Variants in MAP2K6 observed in about 807,000 individuals in gnomAD.
MAP2K6 encodes the protein mitogen-activated protein kinase kinase 6.
MAP2K6 carries 16 observed loss-of-function variants against 53.7 expected under a neutral mutation model. That is an observed-to-expected ratio of 0.30 (90% confidence interval 0.20 to 0.45). The LOEUF (loss-of-function observed/expected upper bound fraction) is 0.45, where lower values mean the gene tolerates loss of function less well. Ranked by LOEUF, MAP2K6 falls within the 20% of genes least tolerant of loss-of-function variation. The pLI is 1.00. For synonymous variants in MAP2K6, 132 were observed against 143.1 expected, an observed-to-expected ratio of 0.92 and a Z score of 0.55; for missense variants, 204 against 411.9, an observed-to-expected ratio of 0.50 and a Z score of 4.37.
In MAP2K6 at chr17:69,426,967, G is replaced by GT. The variant is rs553707204; in HGVS notation, c.16+11973dup. ...TATATCATATCTCATACTTTTAGGT[G>GT]TTTTTTGGATTGTGGAAACTCCAGG... is the stretch of plus-strand genomic sequence containing the variant. On this transcript the variant is annotated intron_variant, in intron 1 of 11. Coordinates refer to ENST00000590474, the MANE Select transcript of MAP2K6 (RefSeq NM_002758.4). 8.5e-5 allele frequency among the ~76,000 whole-genome samples: 13 copies of GT among 152,248 alleles called. No homozygotes were observed. The East Asian group carries it at 1.9e-3, about 23-fold the overall frequency.
intron 10 of MAP2K6, 24 bp from the exon 11 acceptor site, chr17:69,536,091 A>C (rs767187560): frequency 6.6e-7 from 1 of 1,515,486 alleles, no homozygotes. Context: ...TCTAGATTTT[A>C]ATGATTATTT....
chr17:69,438,313 T>G lies in MAP2K6; in HGVS notation c.16+23313T>G, dbSNP rs376121556. Among the ~76,000 whole-genome samples the G allele has an allele frequency of 3.9e-3, 590 of 152,332 alleles. 4 individuals are homozygous for G. The highest frequency in any genetic ancestry group is 0.013 in the African/African-American group (554 of 41,584). ...ATGGGTCCAATGTTTCTGCTTGTTG[T>G]TTTGGTTACCTTGGGTTTGGCTTTC... is the stretch of plus-strand genomic sequence containing the variant. On this transcript the variant is annotated intron_variant, in intron 1 of 11. Transcript: ENST00000590474.
intron 1 of MAP2K6, among the ~76,000 whole-genome samples, chr17:69,437,599 A>G (rs1351044176): frequency 1.3e-5 from 2 of 152,252 alleles, no homozygotes; most frequent in African/African-American, 4.8e-5. Context: ...AAAATTCACC[A>G]TTTTAATGAT....
intron 1 of MAP2K6, among the ~76,000 whole-genome samples, chr17:69,461,441 C>T (rs1180212082): frequency 6.6e-6 from 1 of 152,210 alleles, no homozygotes; most frequent in Non-Finnish European, 1.5e-5. Context: ...CTTCCAATTT[C>T]TGCAGCCAAC....
At chr17:69,490,815 C>T (rs1908714246) in intron 1 of MAP2K6, among the ~76,000 whole-genome samples, 2 of 151,818 alleles carry the variant, frequency 1.3e-5, no homozygotes, top group Non-Finnish European at 2.9e-5. Context: ...ATTTCATTAC[C>T]CAAGTATTAA....
chr17:69,519,511 C>G, intron 5 of MAP2K6, 79 bp downstream of exon 5: 3 of 1,553,648 alleles, frequency 1.9e-6, no homozygotes, highest in Non-Finnish European at 1.8e-6. Flanking sequence ...AATGCCTTCA[C>G]AATCATGGAG....
chr17:69,441,644 A>G (rs1256122952), intron 1 of MAP2K6, among the ~76,000 whole-genome samples: 2 of 152,138 alleles, frequency 1.3e-5, no homozygotes, highest in African/African-American at 2.4e-5. Context: ...AGATGTTCCT[A>G]TTTCTTGGTA....
Position 69,429,013 on chromosome 17 carries a change from C to T in MAP2K6, c.16+14013C>T, listed in dbSNP as rs1906366374. ...TTGTGTTTAGTGGTAATGAGACCTA[C>T]ACAACACTCCCTGTGGTTGTCACAG... On this transcript the variant is annotated intron_variant, in intron 1 of 11. Transcript: ENST00000590474. Among the ~76,000 whole-genome samples, 3 of 151,824 alleles carry T rather than the reference C, an allele frequency of 2.0e-5. No individual in the cohort carries two copies. The South Asian group carries it at 6.2e-4, about 32-fold the overall frequency.
chr17:69,493,858 C>T (rs571666430), intron 1 of MAP2K6, among the ~76,000 whole-genome samples: 4 of 151,992 alleles, frequency 2.6e-5, no homozygotes, highest in Admixed American at 6.5e-5. Flanking sequence ...ACCCTTGTAC[C>T]CATCAAATTG....
chr17:69,444,616 T>C (rs1034926939), intron 1 of MAP2K6, among the ~76,000 whole-genome samples: 1 of 152,210 alleles, frequency 6.6e-6, no homozygotes, highest in East Asian at 1.9e-4. Context: ...AGTCCCAAAA[T>C]GGATCCTTTG....
rs980598531 is a variant in MAP2K6, at chr17:69,551,288, C to G, written c.*9535C>G. 2.0e-5 allele frequency: 3 copies of G among 152,246 alleles called. No homozygotes were observed. The highest frequency in any genetic ancestry group is 6.5e-5 in the Admixed American group (1 of 15,290). 9.4% of individuals were successfully genotyped at this position (152,246 alleles called of 1,614,324 possible). On this transcript the variant is annotated 3_prime_UTR_variant, in exon 12 of 12. Transcript: ENST00000590474. Reference sequence around the variant, plus strand: ...GAGACTCAAGCTAACAGAGCTACCCCTTGCTGCCTTTTGCAAAGGTGTTGT... The same window carrying G: ...GAGACTCAAGCTAACAGAGCTACCCGTTGCTGCCTTTTGCAAAGGTGTTGT...
Position 69,446,535 on chromosome 17 carries a change from C to T in MAP2K6, c.16+31535C>T, listed in dbSNP as rs1192604350. Among the ~76,000 whole-genome samples, 5 of 152,218 alleles carry T rather than the reference C, an allele frequency of 3.3e-5. No individual in the cohort carries two copies. In the South Asian group the frequency reaches 8.3e-4, roughly 25 times the overall value. On this transcript the variant is annotated intron_variant, in intron 1 of 11. Coordinates refer to ENST00000590474, the MANE Select transcript of MAP2K6 (RefSeq NM_002758.4). Reference sequence around the variant, plus strand: ...AGCTCTCATGTGTATCAGCTCATTGCTCCTTCACTACTAACCTATTAGGTA... The same window carrying T: ...AGCTCTCATGTGTATCAGCTCATTGTTCCTTCACTACTAACCTATTAGGTA...
chr17:69,455,614 T>C (rs2586548), intron 1 of MAP2K6, among the ~76,000 whole-genome samples: 142,212 of 152,154 alleles, frequency 0.93, 66,932 homozygotes, highest in Non-Finnish European at 0.98. Flanking sequence ...TTATGGTTGG[T>C]GTAAACTAGG....
chr17:69,492,593 A>G (rs1458114414), intron 1 of MAP2K6, among the ~76,000 whole-genome samples: 1 of 152,150 alleles, frequency 6.6e-6, no homozygotes, highest in African/African-American at 2.4e-5. Context: ...AGGCTCTGGG[A>G]GAGGATCCAT....
At chr17:69,436,592 A>G (rs1324293780) in intron 1 of MAP2K6, among the ~76,000 whole-genome samples, 3 of 152,192 alleles carry the variant, frequency 2.0e-5, no homozygotes, top group East Asian at 1.9e-4. Flanking sequence ...ATGCAAACTT[A>G]TAAAGTGGAC....
At chr17:69,507,155 A>G (rs1909544134) in intron 2 of MAP2K6, among the ~76,000 whole-genome samples, 1 of 152,186 alleles carries the variant, frequency 6.6e-6, no homozygotes, top group South Asian at 2.1e-4. Flanking sequence ...GTAGATTAAC[A>G]GGAGGTTGCA....
chr17:69,464,074 T>C lies in MAP2K6; in HGVS notation c.17-41706T>C, dbSNP rs371962288. 2.6e-5 allele frequency among the ~76,000 whole-genome samples: 4 copies of C among 152,240 alleles called. No homozygotes were observed. The East Asian group carries it at 5.8e-4, about 22-fold the overall frequency. On this transcript the variant is annotated intron_variant, in intron 1 of 11. Coordinates refer to ENST00000590474, the MANE Select transcript of MAP2K6 (RefSeq NM_002758.4). The stretch of plus-strand genomic sequence containing the variant: ...TATTTAAAATATTGTATGTTTTTAT[T>C]TTATTTTTTAATTTATTTACTTATT...
chr17:69,521,827 A>AAC (rs2145262307), intron 7 of MAP2K6: 2 of 150,978 alleles, frequency 1.3e-5, no homozygotes, highest in East Asian at 3.9e-4. Flanking sequence ...AAAAAAAAAA[A>AAC]AAAAAACCAC....
intron 1 of MAP2K6, among the ~76,000 whole-genome samples, chr17:69,432,263 C>T (rs1209654322): frequency 6.6e-6 from 1 of 152,172 alleles, no homozygotes; most frequent in Non-Finnish European, 1.5e-5. Flanking sequence ...TTGATTTTTA[C>T]TCCAGATATA....
Sources: gnomAD v4.1 joint callset for allele counts (sites outside exome capture counted in the v4.1 genomes callset) on GRCh38, gnomAD v4.1.1 for gene constraint, MANE v1.5 for transcripts, NCBI Gene and HGNC (gene_info 2026-07-23, HGNC 2026-07-21) for gene names.